The following SAV1 variants were observed in gnomAD, a reference collection of about 807,000 sequenced individuals.
SAV1 encodes the protein protein salvador homolog 1.
Under a neutral mutation model 47.3 loss-of-function variants are expected in SAV1, and 23 were observed. The ratio of observed to expected loss-of-function variants is 0.49; its 90% CI spans 0.35 to 0.69. The LOEUF (loss-of-function observed/expected upper bound fraction) is 0.69. SAV1 is among the 30% of genes least tolerant of loss of function. SAV1 has a pLI of 0.01. For missense variants in SAV1, 448 were observed against 457.4 expected (o/e 0.98, Z 0.19); for synonymous variants, 155 against 159.2 (o/e 0.97, Z 0.20).
chr14:50,653,596 C>T (rs2039788296), intron 2 of SAV1, among the ~76,000 whole-genome samples: 1 of 152,102 alleles, frequency 6.6e-6, no homozygotes, highest in African/African-American at 2.4e-5. Context: ...TACGGCCGGA[C>T]ACGGTGGCTC....
At chr14:50,638,355 A>G (rs925561165) in intron 4 of SAV1, among the ~76,000 whole-genome samples, 3 of 152,230 alleles carry the variant, frequency 2.0e-5, no homozygotes, top group African/African-American at 7.2e-5. Flanking sequence ...CCAGTAGTCC[A>G]TGCTTCTAGC....
At chr14:50,641,218 A>G (rs996009396) in intron 3 of SAV1, among the ~76,000 whole-genome samples, 2 of 152,188 alleles carry the variant, frequency 1.3e-5, no homozygotes, top group Non-Finnish European at 2.9e-5. Flanking sequence ...CTAAGAAAGG[A>G]TGTTTCCTTC....
At chr14:50,660,091 A>G (rs2039846050) in intron 2 of SAV1, among the ~76,000 whole-genome samples, 1 of 152,202 alleles carries the variant, frequency 6.6e-6, no homozygotes, top group Admixed American at 6.5e-5. Context: ...GGTCTTCGAG[A>G]TATTTTTCAG....
In SAV1 at chr14:50,667,901, T is replaced by C. The variant is rs142810178; in HGVS notation, c.67A>G (p.Lys23Glu). 3.8e-5 allele frequency: 61 copies of C among 1,612,874 alleles called. No individual in the cohort carries two copies. The highest frequency in any genetic ancestry group is 5.1e-5 in the Non-Finnish European group (60 of 1,179,468). The change falls in exon 1 of 5, where the codon AAG becomes GAG. Residue 23 changes from lysine (K) to glutamate (E), a missense_variant. Lys to Glu is a moderately conservative substitution (Grantham distance 56). Transcript: ENST00000324679. ...KPAEVQGKYV[K>E]KETSPLLRNL... is the part of the protein sequence containing the mutation. ...CGAAGCAGAGGCGACGTCTCCTTCT[T>C]CACGTACTTCCCCTGCACCTCGGCC...
intron 4 of SAV1, among the ~76,000 whole-genome samples, chr14:50,637,502 CAAT>C (rs1275817237): frequency 1.3e-5 from 2 of 151,998 alleles, no homozygotes; most frequent in East Asian, 1.9e-4. Context: ...TGAACTACAA[CAAT>C]GTTAAACTAA....
At chr14:50,646,729 CAGAT>C (rs1225054120) in intron 2 of SAV1, among the ~76,000 whole-genome samples, 3 of 146,472 alleles carry the variant, frequency 2.0e-5, no homozygotes, top group African/African-American at 7.6e-5. Flanking sequence ...TTTGTAGATA[CAGAT>C]AGTTATTAAA....
At chr14:50,654,485 T>C (rs911732338) in intron 2 of SAV1, among the ~76,000 whole-genome samples, 1 of 152,248 alleles carries the variant, frequency 6.6e-6, no homozygotes, top group Non-Finnish European at 1.5e-5. Flanking sequence ...TGCAATTCCT[T>C]GTGATGTCCC....
At chr14:50,638,024 G>C (rs1241146307) in intron 4 of SAV1, 1 of 152,166 alleles carries the variant, frequency 6.6e-6, no homozygotes, top group African/African-American at 2.4e-5. Context: ...TCAAGAGTAC[G>C]ATTATGGGTA....
intron 1 of SAV1, among the ~76,000 whole-genome samples, chr14:50,666,205 T>G (rs908925581): frequency 5.3e-5 from 8 of 152,140 alleles, no homozygotes; most frequent in Non-Finnish European, 1.2e-4. Flanking sequence ...GCCAAAAATT[T>G]ATGTATGAAA....
chr14:50,663,013 T>C (rs1348637796), intron 2 of SAV1: 3 of 152,330 alleles, frequency 2.0e-5, no homozygotes, highest in Admixed American at 1.3e-4. Flanking sequence ...GTCCCATTAA[T>C]GTGGGCGTGT....
chr14:50,644,198 C>T (rs897868389), intron 3 of SAV1, among the ~76,000 whole-genome samples: 4 of 151,672 alleles, frequency 2.6e-5, no homozygotes, highest in African/African-American at 9.7e-5. Flanking sequence ...GGCAACAAAG[C>T]AGATCTACCC....
At chr14:50,657,400 T>C (rs1441629374) in intron 2 of SAV1, among the ~76,000 whole-genome samples, 1 of 152,144 alleles carries the variant, frequency 6.6e-6, no homozygotes, top group Non-Finnish European at 1.5e-5. Context: ...CCAAAACTGC[T>C]CTAGGAGGTA....
intron 1 of SAV1, among the ~76,000 whole-genome samples, 172 bp downstream of exon 1, chr14:50,667,702 A>C (rs1448402105): frequency 1.3e-5 from 2 of 151,886 alleles, no homozygotes; most frequent in African/African-American, 4.8e-5. Flanking sequence ...TCTTACTCTT[A>C]TGGGCTTTCA....
intron 4 of SAV1, among the ~76,000 whole-genome samples, chr14:50,639,013 C>T (rs548419268): frequency 6.6e-4 from 101 of 152,308 alleles, no homozygotes; most frequent in African/African-American, 2.4e-3. Flanking sequence ...GTGATCCACT[C>T]GCCTCAGCCT....
intron 3 of SAV1, among the ~76,000 whole-genome samples, chr14:50,642,936 T>C (rs2039692217): frequency 6.6e-6 from 1 of 152,140 alleles, no homozygotes; most frequent in Non-Finnish European, 1.5e-5. Context: ...ACAAACTATG[T>C]AAATGTAAGC....
At chr14:50,641,779 C>G (rs1566740888) in intron 3 of SAV1, among the ~76,000 whole-genome samples, 4 of 152,162 alleles carry the variant, frequency 2.6e-5, no homozygotes, top group Admixed American at 2.6e-4. Context: ...TAAATTAGTT[C>G]AGTCACAGTG....
At chr14:50,656,637 T>C (rs1206272648) in intron 2 of SAV1, among the ~76,000 whole-genome samples, 1 of 152,014 alleles carries the variant, frequency 6.6e-6, no homozygotes, top group African/African-American at 2.4e-5. Flanking sequence ...AGAGACGGGG[T>C]TTCACTGTGT....
chr14:50,652,732 T>C (rs1043167826), intron 2 of SAV1, among the ~76,000 whole-genome samples: 3 of 152,098 alleles, frequency 2.0e-5, no homozygotes, highest in Non-Finnish European at 4.4e-5. Flanking sequence ...CATCAGACTT[T>C]TGAAATTGAA....
Position 50,634,823 on chromosome 14 carries a change from G to A in SAV1, c.*360C>T, listed in dbSNP as rs181423825. ...TAAACTTTTTTTTTAAAAAAATACC[G>A]CAGATTCTTTTTTTTTTTTAAAGAA... On this transcript the variant is annotated 3_prime_UTR_variant, in exon 5 of 5. Transcript: ENST00000324679. The A allele has an allele frequency of 1.8e-3, 312 of 171,552 alleles. 7 individuals are homozygous for A. In the South Asian group the frequency reaches 0.041, roughly 23 times the overall value. 10.6% of individuals were successfully genotyped at this position (171,552 alleles called of 1,614,324 possible).
Sources: gnomAD v4.1 joint callset for allele counts (sites outside exome capture counted in the v4.1 genomes callset) on GRCh38, gnomAD v4.1.1 for gene constraint, MANE v1.5 for transcripts, NCBI Gene and HGNC (gene_info 2026-07-23, HGNC 2026-07-21) for gene names.